The following ADGRB3 variants were observed in gnomAD, a reference collection of about 807,000 sequenced individuals.
The protein encoded by ADGRB3 is adhesion G protein-coupled receptor B3.
A neutral mutation model predicts 193.4 loss-of-function variants in ADGRB3; 37 were observed. The observed-to-expected ratio is 0.19, with a 90% CI of 0.15 to 0.25. The LOEUF (loss-of-function observed/expected upper bound fraction) is 0.25, where lower values mean the gene tolerates loss of function less well. ADGRB3 is among the 10% of genes least tolerant of loss of function. The pLI is 1.00. For synonymous variants in ADGRB3, 690 were observed against 644.2 expected (o/e 1.07, Z -1.08); for missense variants, 1,637 against 1,852.9 (o/e 0.88, Z 2.14).
At chr6:68,713,923 A>G (rs1765448722) in intron 3 of ADGRB3, among the ~76,000 whole-genome samples, 1 of 151,730 alleles carries the variant, frequency 6.6e-6, no homozygotes, top group Non-Finnish European at 1.5e-5. Context: ...AAATTATAAC[A>G]ATCTTTGGAT....
At chr6:68,795,925 G>T (rs1403123821) in intron 3 of ADGRB3, among the ~76,000 whole-genome samples, 3 of 151,960 alleles carry the variant, frequency 2.0e-5, no homozygotes, top group Non-Finnish European at 1.5e-5. Context: ...GTGTCTTAAT[G>T]ATTTTATATA....
At chr6:69,219,487 A>ATATATATATATATATATATATATATATG (rs1455210313) in intron 17 of ADGRB3, among the ~76,000 whole-genome samples, 1 of 140,522 alleles carries the variant, frequency 7.1e-6, no homozygotes, top group Non-Finnish European at 1.6e-5. Flanking sequence ...ATATATATAT[A>ATATATATATATATATATATATATATATG]TATATACGTG....
chr6:69,014,450 G>A lies in ADGRB3; in HGVS notation c.1998+344G>A, dbSNP rs183448254. ...ATTTCAAATGAAAGTATGGAGCTTT[G>A]ACTAGTAAAACCATTTGCATTTACT... On this transcript the variant is annotated intron_variant, in intron 12 of 31. Coordinates refer to ENST00000370598, the MANE Select transcript of ADGRB3 (RefSeq NM_001704.3). Among the ~76,000 whole-genome samples the A allele has an allele frequency of 2.5e-3, 374 of 151,708 alleles. 12 individuals are homozygous for A. The highest frequency in any genetic ancestry group is 0.018 in the Admixed American group (281 of 15,192).
intron 3 of ADGRB3, among the ~76,000 whole-genome samples, chr6:68,703,010 A>G (rs1163836935): frequency 1.3e-5 from 2 of 152,150 alleles, no homozygotes; most frequent in African/African-American, 4.8e-5. Context: ...GCTATTCAAT[A>G]TTGTTAACTT....
intron 13 of ADGRB3, among the ~76,000 whole-genome samples, chr6:69,030,795 A>G (rs1004843273): frequency 6.6e-6 from 1 of 152,104 alleles, no homozygotes; most frequent in Non-Finnish European, 1.5e-5. Flanking sequence ...ACACATAGAC[A>G]TAGCCACAAA....
intron 16 of ADGRB3, 72 bp downstream of exon 16, chr6:69,063,108 A>G: frequency 9.1e-7 from 1 of 1,098,358 alleles, no homozygotes; most frequent in Non-Finnish European, 1.4e-6. Flanking sequence ...TCAACTGATA[A>G]CACCAGAATA....
intron 20 of ADGRB3, among the ~76,000 whole-genome samples, chr6:69,289,517 T>G (rs927446808): frequency 3.9e-5 from 6 of 152,116 alleles, no homozygotes; most frequent in Non-Finnish European, 8.8e-5. Flanking sequence ...CCCCAGACTT[T>G]CCTTTGCAAT....
chr6:68,746,222 A>AT (rs1766081212), intron 3 of ADGRB3, among the ~76,000 whole-genome samples: 1 of 151,928 alleles, frequency 6.6e-6, no homozygotes, highest in African/African-American at 2.4e-5. Flanking sequence ...TACTAATGTA[A>AT]TTTTTAATAT....
chr6:68,968,983 T>C (rs193270291), intron 8 of ADGRB3, among the ~76,000 whole-genome samples: 1 of 152,228 alleles, frequency 6.6e-6, no homozygotes, highest in African/African-American at 2.4e-5. Context: ...ATATAAAACA[T>C]TTCTATCATT....
intron 17 of ADGRB3, among the ~76,000 whole-genome samples, chr6:69,164,957 A>G (rs1054361601): frequency 1.4e-4 from 21 of 152,040 alleles, no homozygotes; most frequent in Non-Finnish European, 2.8e-4. Flanking sequence ...CCAAATGGAG[A>G]GTAGACATTA....
chr6:68,637,019 T>C (rs1035121372), intron 1 of ADGRB3, among the ~76,000 whole-genome samples: 7 of 152,178 alleles, frequency 4.6e-5, no homozygotes, highest in Non-Finnish European at 8.8e-5. Context: ...CTCTGTTTTT[T>C]TTTAACCTTT....
chr6:68,854,869 A>T (rs556315743), intron 3 of ADGRB3, among the ~76,000 whole-genome samples: 1 of 152,282 alleles, frequency 6.6e-6, no homozygotes, highest in African/African-American at 2.4e-5. Flanking sequence ...CTCTCCCAGC[A>T]TTGCCTTTAT....
chr6:68,857,142 T>C (rs1471565052), intron 3 of ADGRB3, among the ~76,000 whole-genome samples: 1 of 152,196 alleles, frequency 6.6e-6, no homozygotes, highest in Non-Finnish European at 1.5e-5. Flanking sequence ...GTTTGCTGCA[T>C]TGGGGGCCCC....
At chr6:68,777,433 C>T (rs1766769101) in intron 3 of ADGRB3, among the ~76,000 whole-genome samples, 1 of 151,880 alleles carries the variant, frequency 6.6e-6, no homozygotes, top group African/African-American at 2.4e-5. Context: ...TATCTCTATA[C>T]TTTGGTTATG....
intron 17 of ADGRB3, among the ~76,000 whole-genome samples, chr6:69,125,537 T>G: frequency 6.6e-6 from 1 of 152,144 alleles, no homozygotes; most frequent in East Asian, 1.9e-4. Context: ...GGACTGTCTA[T>G]GAACAGCCCT....
chr6:69,368,840 C>A (rs1344513271), intron 29 of ADGRB3, among the ~76,000 whole-genome samples: 1 of 151,886 alleles, frequency 6.6e-6, no homozygotes, highest in African/African-American at 2.4e-5. Context: ...AGACTGTCAG[C>A]AAGAGGAATT....
chr6:69,092,612 A>G (rs955739013), intron 17 of ADGRB3, among the ~76,000 whole-genome samples: 7 of 152,224 alleles, frequency 4.6e-5, no homozygotes, highest in African/African-American at 1.4e-4. Context: ...GGACATACAT[A>G]TTAATAAACA....
chr6:68,915,036 A>G (rs1324197636), intron 3 of ADGRB3, among the ~76,000 whole-genome samples: 1 of 152,218 alleles, frequency 6.6e-6, no homozygotes, highest in African/African-American at 2.4e-5. Flanking sequence ...TAACACCATG[A>G]AGAGATGTCT....
rs61425854 is a variant in ADGRB3, at chr6:69,250,018, C to T, written c.2814+10792C>T. Among the ~76,000 whole-genome samples, 450 of 152,274 alleles carry T rather than the reference C, an allele frequency of 3.0e-3. 1 individual carries two copies. The highest frequency in any genetic ancestry group is 0.01 in the African/African-American group (423 of 41,564). ...GTGAAGAAGAAATGACTAGCTTTAA[C>T]AGTAAACACATAAGCAGAAGAATTT... is the stretch of plus-strand genomic sequence containing the variant. On this transcript the variant is annotated intron_variant, in intron 20 of 31. Transcript: ENST00000370598.
Sources: allele counts gnomAD v4.1 joint callset (sites outside exome capture counted in the v4.1 genomes callset), GRCh38; gene constraint gnomAD v4.1.1; transcripts MANE v1.5; gene names NCBI Gene and HGNC (gene_info 2026-07-23, HGNC 2026-07-21).